Variants in ATF3 observed in about 807,000 individuals in gnomAD.
ATF3 encodes the protein cyclic AMP-dependent transcription factor ATF-3.
In ATF3, 10 loss-of-function variants were observed where a neutral mutation model predicts 18.4. That is an observed-to-expected ratio of 0.54 (90% CI 0.34 to 0.92). The LOEUF is 0.92. ATF3 is among the 40% of genes least tolerant of loss of function. ATF3 has a pLI of 0.02. For synonymous variants in ATF3, 78 were observed against 87.9 expected (o/e 0.89, Z 0.63); for missense variants, 183 against 222.3 (o/e 0.82, Z 1.12).
intron 1 of ATF3, among the ~76,000 whole-genome samples, chr1:212,587,017 C>T (rs1048223955): frequency 6.6e-6 from 1 of 152,184 alleles, no homozygotes; most frequent in Non-Finnish European, 1.5e-5. Context: ...CTTTCTGTCT[C>T]TGACGAATGA....
At chr1:212,595,266 G>T (rs973325073) in intron 1 of ATF3, among the ~76,000 whole-genome samples, 2 of 152,176 alleles carry the variant, frequency 1.3e-5, no homozygotes, top group Non-Finnish European at 2.9e-5. Flanking sequence ...GAGATTTGCC[G>T]GTTCATATAG....
intron 1 of ATF3, among the ~76,000 whole-genome samples, chr1:212,594,645 C>A (rs928270825): frequency 6.6e-6 from 1 of 152,174 alleles, no homozygotes; most frequent in African/African-American, 2.4e-5. Flanking sequence ...GAGCCTGGGT[C>A]TATAGACAGA....
At chr1:212,606,425 G>A (rs1030758966), upstream of ATF3, among the ~76,000 whole-genome samples, 1 of 152,250 alleles carries the variant, frequency 6.6e-6, no homozygotes, top group African/African-American at 2.4e-5. Flanking sequence ...AAGAACTGGA[G>A]GCACAATGGT....
At chr1:212,574,724 A>G (rs996668276) in intron 1 of ATF3, among the ~76,000 whole-genome samples, 1 of 152,226 alleles carries the variant, frequency 6.6e-6, no homozygotes, top group East Asian at 1.9e-4. Flanking sequence ...ACTTACTCCC[A>G]TATGGATAAC....
At chr1:212,614,602 AAG>A (rs1553304833) in intron 1 of ATF3, among the ~76,000 whole-genome samples, 3 of 147,228 alleles carry the variant, frequency 2.0e-5, no homozygotes, top group African/African-American at 7.6e-5. Flanking sequence ...AAAAAAAAAA[AAG>A]AGAGAGAGAG....
intron 1 of ATF3, among the ~76,000 whole-genome samples, chr1:212,585,683 A>G (rs1437133025): frequency 6.6e-6 from 1 of 152,210 alleles, no homozygotes; most frequent in East Asian, 1.9e-4. Context: ...TGTCACAGAA[A>G]ACAGAGTCTT....
intron 1 of ATF3, among the ~76,000 whole-genome samples, chr1:212,612,031 C>T (rs1353856060): frequency 1.3e-5 from 2 of 152,210 alleles, no homozygotes; most frequent in Non-Finnish European, 1.5e-5. Flanking sequence ...GGGACACAGC[C>T]GTAGTCTAGG....
chr1:212,574,538 A>G (rs1199033069), intron 1 of ATF3, among the ~76,000 whole-genome samples: 1 of 152,122 alleles, frequency 6.6e-6, no homozygotes, highest in East Asian at 1.9e-4. Context: ...TAATGTAATC[A>G]AATATATCCC....
At chr1:212,612,822 G>A (rs1445431116) in intron 1 of ATF3, among the ~76,000 whole-genome samples, 1 of 152,156 alleles carries the variant, frequency 6.6e-6, no homozygotes, top group Admixed American at 6.5e-5. Context: ...AGATCAAAGT[G>A]GGTGACCAGC....
chr1:212,608,698 G>A (rs915697987), upstream of ATF3: 2 of 152,456 alleles, frequency 1.3e-5, no homozygotes, highest in South Asian at 2.1e-4. Context: ...TGGCAACACG[G>A]AGTAAACGAC....
chr1:212,594,151 CT>C (rs779631803), intron 1 of ATF3, among the ~76,000 whole-genome samples: 5 of 152,148 alleles, frequency 3.3e-5, no homozygotes, highest in Non-Finnish European at 7.4e-5. Flanking sequence ...ATTCTGTTTC[CT>C]CCAGTTCGGG....
At chr1:212,612,136 A>C (rs1654923152) in intron 1 of ATF3, among the ~76,000 whole-genome samples, 1 of 152,184 alleles carries the variant, frequency 6.6e-6, no homozygotes, top group Non-Finnish European at 1.5e-5. Context: ...CCAAATCTCG[A>C]CAGATACATC....
At chr1:212,584,282 G>T (rs1250514895) in intron 1 of ATF3, among the ~76,000 whole-genome samples, 3 of 152,254 alleles carry the variant, frequency 2.0e-5, no homozygotes, top group Admixed American at 1.3e-4. Context: ...GTTAGTCAGG[G>T]TTCTCCAGGG....
chr1:212,587,555 G>A (rs1236083680), intron 1 of ATF3, among the ~76,000 whole-genome samples: 2 of 152,112 alleles, frequency 1.3e-5, no homozygotes, highest in Non-Finnish European at 2.9e-5. Flanking sequence ...GCTGCCATTG[G>A]TCAAGGAACA....
chr1:212,579,036 G>C (rs975506642), intron 1 of ATF3, among the ~76,000 whole-genome samples: 7 of 130,806 alleles, frequency 5.4e-5, no homozygotes, highest in Admixed American at 8.7e-5. Context: ...TTTTGAGACA[G>C]AGTCTCACTC....
intron 1 of ATF3, among the ~76,000 whole-genome samples, chr1:212,578,188 T>C (rs1482437389): frequency 6.6e-6 from 1 of 152,216 alleles, no homozygotes; most frequent in Admixed American, 6.5e-5. Context: ...CAGCTGCAAT[T>C]TATCTTCACT....
intron 1 of ATF3, among the ~76,000 whole-genome samples, chr1:212,588,763 C>T (rs1178295717): frequency 6.6e-6 from 1 of 152,118 alleles, no homozygotes; most frequent in Non-Finnish European, 1.5e-5. Context: ...GTGTATACTG[C>T]TCATTTCCTG....
At chr1:212,589,286 T>A (rs1664838337) in intron 1 of ATF3, among the ~76,000 whole-genome samples, 1 of 152,212 alleles carries the variant, frequency 6.6e-6, no homozygotes, top group East Asian at 1.9e-4. Context: ...CAGAGCTCAT[T>A]GTAAATGTTT....
chr1:212,574,264 A>G (rs1664533402), intron 1 of ATF3, among the ~76,000 whole-genome samples: 1 of 151,766 alleles, frequency 6.6e-6, no homozygotes, highest in East Asian at 1.9e-4. Flanking sequence ...TTGTGCTCTT[A>G]TTTTAATTAT....
Sources: gnomAD v4.1 joint callset for allele counts (sites outside exome capture counted in the v4.1 genomes callset) on GRCh38, gnomAD v4.1.1 for gene constraint, MANE v1.5 for transcripts, NCBI Gene and HGNC (gene_info 2026-07-23, HGNC 2026-07-21) for gene names.